RNF38: variants seen among roughly 807,000 people sequenced by gnomAD.
The protein encoded by RNF38 is E3 ubiquitin-protein ligase RNF38.
In RNF38, 15 loss-of-function variants were observed where a neutral mutation model predicts 67.2. The observed-to-expected ratio is 0.22, with a 90% CI of 0.15 to 0.34. The LOEUF is 0.34. Ranked by LOEUF, RNF38 falls within the 10% of genes least tolerant of loss-of-function variation. The pLI is 1.00. For synonymous variants in RNF38, 220 were observed against 218.8 expected (o/e 1.01, Z -0.05); for missense variants, 524 against 639.9 (o/e 0.82, Z 1.95).
intron 4 of RNF38, among the ~76,000 whole-genome samples, chr9:36,364,052 A>T (rs77001252): frequency 0.12 from 6,015 of 50,474 alleles, 557 homozygotes; most frequent in Non-Finnish European, 0.18. Flanking sequence ...GCTGGCTCGA[A>T]CTCTTGACCT....
At chr9:36,416,079 ATG>A (rs1838459973) in intron 2 of RNF38, among the ~76,000 whole-genome samples, 1 of 150,904 alleles carries the variant, frequency 6.6e-6, no homozygotes, top group Non-Finnish European at 1.5e-5. Flanking sequence ...TCAAGATATT[ATG>A]TGTTTTGTTT....
At chr9:36,424,269 A>G (rs576476235) in intron 2 of RNF38, among the ~76,000 whole-genome samples, 2 of 152,358 alleles carry the variant, frequency 1.3e-5, no homozygotes, top group South Asian at 4.1e-4. Flanking sequence ...TATTTCCAAC[A>G]TGAGTTGCTG....
chr9:36,395,726 C>T (rs867781943), intron 1 of RNF38, among the ~76,000 whole-genome samples: 1 of 152,064 alleles, frequency 6.6e-6, no homozygotes. Context: ...TACCAAAATA[C>T]GAGAAAAGCC....
At chr9:36,368,811 G>A (rs920192127) in intron 4 of RNF38, among the ~76,000 whole-genome samples, 2 of 151,326 alleles carry the variant, frequency 1.3e-5, no homozygotes, top group African/African-American at 4.9e-5. Context: ...ATTTTTTTTG[G>A]TTTATAAACT....
chr9:36,388,044 G>C (rs1836778581), intron 2 of RNF38, among the ~76,000 whole-genome samples: 1 of 152,104 alleles, frequency 6.6e-6, no homozygotes, highest in Non-Finnish European at 1.5e-5. Context: ...AGTATACAAA[G>C]TGTGACATCA....
At chr9:36,399,929 TAA>T (rs1316349193) in intron 1 of RNF38, among the ~76,000 whole-genome samples, 166 bp downstream of exon 1, 1 of 152,206 alleles carries the variant, frequency 6.6e-6, no homozygotes, top group Non-Finnish European at 1.5e-5. Flanking sequence ...TGTATACATT[TAA>T]GTTTTCATAC....
At chr9:36,451,470 G>T (rs1460992859) in intron 1 of RNF38, among the ~76,000 whole-genome samples, 5 of 118,108 alleles carry the variant, frequency 4.2e-5, no homozygotes, top group Admixed American at 2.6e-4. Context: ...CCATCTTAAA[G>T]AAGAAAAAAA....
intron 1 of RNF38, among the ~76,000 whole-genome samples, chr9:36,462,630 G>C (rs906092315): frequency 6.6e-6 from 1 of 151,846 alleles, no homozygotes; most frequent in Non-Finnish European, 1.5e-5. Context: ...TCGAATTTCT[G>C]CTCAAATGTC....
At chr9:36,471,736 C>T (rs1013098176) in intron 1 of RNF38, among the ~76,000 whole-genome samples, 1 of 152,226 alleles carries the variant, frequency 6.6e-6, no homozygotes, top group Non-Finnish European at 1.5e-5. Context: ...TATCTCAACA[C>T]AGAATTTATG....
chr9:36,385,879 T>C (rs1194250503), intron 2 of RNF38, among the ~76,000 whole-genome samples: 1 of 152,222 alleles, frequency 6.6e-6, no homozygotes. Flanking sequence ...TTTTGCCTCA[T>C]CTGCCATATT....
chr9:36,445,653 T>C (rs1342243627), intron 1 of RNF38, among the ~76,000 whole-genome samples: 1 of 152,040 alleles, frequency 6.6e-6, no homozygotes. Flanking sequence ...TGGTGAAGGG[T>C]AGAGAGAACT....
chr9:36,470,272 C>T (rs1839966045), intron 1 of RNF38, among the ~76,000 whole-genome samples: 1 of 152,150 alleles, frequency 6.6e-6, no homozygotes, highest in Non-Finnish European at 1.5e-5. Context: ...TGCCAGAAAT[C>T]GGCATTTTAA....
intron 2 of RNF38, among the ~76,000 whole-genome samples, chr9:36,384,742 C>T (rs1452737273): frequency 6.6e-6 from 1 of 152,108 alleles, no homozygotes; most frequent in Non-Finnish European, 1.5e-5. Context: ...TTATTACTTG[C>T]TATTTATGTT....
intron 1 of RNF38, among the ~76,000 whole-genome samples, chr9:36,452,161 G>A (rs139490031): frequency 2.0e-5 from 3 of 152,246 alleles, no homozygotes; most frequent in Non-Finnish European, 4.4e-5. Flanking sequence ...AGGAGTTGAA[G>A]AGTGCATTGA....
At chr9:36,376,901 C>T (rs1464335568) in intron 2 of RNF38, among the ~76,000 whole-genome samples, 6 of 139,124 alleles carry the variant, frequency 4.3e-5, no homozygotes, top group Admixed American at 7.7e-5. Flanking sequence ...ACCCCAGCCT[C>T]GGCGACAAGA....
At chr9:36,383,847 T>C (rs1347570450) in intron 2 of RNF38, among the ~76,000 whole-genome samples, 1 of 151,886 alleles carries the variant, frequency 6.6e-6, no homozygotes, top group Non-Finnish European at 1.5e-5. Flanking sequence ...AAAATAACAG[T>C]TTGATATGCA....
At chr9:36,401,847 G>C (rs767234300), upstream of RNF38, among the ~76,000 whole-genome samples, 3 of 152,150 alleles carry the variant, frequency 2.0e-5, no homozygotes, top group Non-Finnish European at 4.4e-5. Flanking sequence ...TTAAGGACCA[G>C]TCAACAGAAA....
At chr9:36,380,901 C>T (rs1836164940) in intron 2 of RNF38, among the ~76,000 whole-genome samples, 1 of 152,152 alleles carries the variant, frequency 6.6e-6, no homozygotes, top group African/African-American at 2.4e-5. Context: ...ATTTTTGATG[C>T]TCTCAAGAGG....
chr9:36,453,651 G>A (rs1394769204), intron 1 of RNF38, among the ~76,000 whole-genome samples: 1 of 152,130 alleles, frequency 6.6e-6, no homozygotes, highest in Admixed American at 6.5e-5. Context: ...CCAAAGTGCT[G>A]GGATTATAGG....
Sources: allele counts gnomAD v4.1 joint callset (sites outside exome capture counted in the v4.1 genomes callset), GRCh38; gene constraint gnomAD v4.1.1; transcripts MANE v1.5; gene names NCBI Gene and HGNC (gene_info 2026-07-23, HGNC 2026-07-21).